SUGT1: variants seen among roughly 807,000 people sequenced by gnomAD.
SUGT1 encodes the protein protein SGT1 homolog.
In SUGT1, 15 loss-of-function variants were observed where a neutral mutation model predicts 56.1. The observed-to-expected ratio is 0.27, with a 90% CI of 0.18 to 0.41. The LOEUF (loss-of-function observed/expected upper bound fraction) is 0.41, where lower values mean the gene tolerates loss of function less well. Ranked by LOEUF, SUGT1 falls within the 10% of genes least tolerant of loss-of-function variation. The pLI is 1.00. For synonymous variants in SUGT1, 123 were observed against 128.6 expected, an observed-to-expected ratio of 0.96 and a Z score of 0.30; for missense variants, 347 against 382.2, an observed-to-expected ratio of 0.91 and a Z score of 0.77.
At chr13:52,672,750 T>TA (rs1962993634) in intron 10 of SUGT1, among the ~76,000 whole-genome samples, 1 of 152,218 alleles carries the variant, frequency 6.6e-6, no homozygotes, top group East Asian at 1.9e-4. Context: ...GGTGGGATCT[T>TA]ACTTACCACT....
At chr13:52,663,493 G>A (rs1333058490) in intron 7 of SUGT1, among the ~76,000 whole-genome samples, 2 of 152,122 alleles carry the variant, frequency 1.3e-5, no homozygotes, top group African/African-American at 4.8e-5. Context: ...GAAATTGACA[G>A]GGTCTTGCTC....
chr13:52,659,959 G>C (rs1360565042), intron 5 of SUGT1, among the ~76,000 whole-genome samples: 3 of 150,100 alleles, frequency 2.0e-5, no homozygotes, highest in Non-Finnish European at 4.4e-5. Context: ...CCCCCGAGTA[G>C]CTGGGACTAC....
chr13:52,657,379 C>T lies in SUGT1; in HGVS notation c.97-153C>T, dbSNP rs1962219199. Among the ~76,000 whole-genome samples the T allele has an allele frequency of 2.6e-5, 4 of 152,152 alleles. No homozygotes were observed. The South Asian group carries it at 8.3e-4, about 32-fold the overall frequency. On this transcript the variant is annotated intron_variant, in intron 2 of 12. Transcript: ENST00000310528. ...AAGAGAAGTGGGGGAGATATTGATC[C>T]TTTTATAAGGAAAAACTCCAATATT... is the stretch of plus-strand genomic sequence containing the variant.
At chr13:52,682,624 T>A (rs951755248) in intron 12 of SUGT1, among the ~76,000 whole-genome samples, 2 of 152,364 alleles carry the variant, frequency 1.3e-5, no homozygotes, top group Non-Finnish European at 2.9e-5. Context: ...TCTTTTCTCA[T>A]TGAATTGCTT....
intron 11 of SUGT1, 114 bp downstream of exon 11, chr13:52,676,434 A>G (rs1371924202): frequency 2.4e-6 from 2 of 847,470 alleles, no homozygotes; most frequent in African/African-American, 1.7e-5. Context: ...GATAAGATAC[A>G]TTGAGTATAA....
chr13:52,699,367 T>A lies in SUGT1; in HGVS notation c.*11532T>A, dbSNP rs542895501. 1.3e-5 allele frequency: 2 copies of A among 152,278 alleles called. No homozygotes were observed. The highest frequency in any genetic ancestry group is 4.8e-5 in the African/African-American group (2 of 41,554). 9.4% of individuals were successfully genotyped at this position (152,278 alleles called of 1,614,324 possible). On this transcript the variant is annotated 3_prime_UTR_variant, in exon 13 of 13. Coordinates refer to ENST00000310528, the MANE Select transcript of SUGT1 (RefSeq NM_006704.5). The stretch of plus-strand genomic sequence containing the variant: ...ATATTACTAGAACTGAGCAGAGAAA[T>A]ACTCAGAGAGAGCCATGGCATAGTA...
Position 52,664,015 on chromosome 13 carries a change from A to T in SUGT1, c.400-20A>T. The T allele has an allele frequency of 6.2e-7, 1 of 1,612,470 alleles. No individual in the cohort carries two copies. The highest frequency in any genetic ancestry group is 8.5e-7 in the Non-Finnish European group (1 of 1,179,254). ...AAAAATCTTTCTCTTTCAACTTACCAAAATCAATCTGCATCCCAGTGGACT... is the reference window on the plus strand; with the variant it reads ...AAAAATCTTTCTCTTTCAACTTACCTAAATCAATCTGCATCCCAGTGGACT... On this transcript the variant is annotated intron_variant, in intron 7 of 12. Transcript: ENST00000310528.
rs771680797 is a variant in SUGT1 at position 52,666,847 on chromosome 13, T to G, written c.555T>G (p.Asp185Glu). 6.2e-7 allele frequency: 1 copy of G among 1,613,402 alleles called. No homozygotes were observed. The highest frequency in any genetic ancestry group is 2.2e-5 in the East Asian group (1 of 44,710). ...TGGTTAAACTTCCTTCTGGAGAGGA[T>G]TACAATTTGAAACTGGAACTTCTTC... ...SALVKLPSGE[D>E]YNLKLELLHP... is the part of the protein sequence containing the mutation. Residue 185 changes from aspartate (D) to glutamate (E), a missense_variant, in exon 10 of 13, where the codon GAT becomes GAG. Coordinates refer to ENST00000310528, the MANE Select transcript of SUGT1 (RefSeq NM_006704.5).
In SUGT1 at chr13:52,694,291, G is replaced by T. The variant is rs543885174; in HGVS notation, c.*6456G>T. 1.3e-5 allele frequency: 2 copies of T among 152,280 alleles called. No homozygotes were observed. The highest frequency in any genetic ancestry group is 3.9e-4 in the East Asian group (2 of 5,190). The allele number at this position is 152,280 out of a possible 1,614,324, so 9.4% of individuals were successfully genotyped here. A position where few individuals can be genotyped will look rare whatever the true frequency, so the allele number is the denominator to read the frequency against. ...ATCCTAGAGAAGATTTTTTTGTGTT[G>T]TAAGTTCAGTCTTTCAAGATGTGGA... On this transcript the variant is annotated 3_prime_UTR_variant, in exon 13 of 13. Transcript: ENST00000310528.
chr13:52,656,349 C>T (rs150167825), intron 2 of SUGT1, among the ~76,000 whole-genome samples: 2 of 152,286 alleles, frequency 1.3e-5, no homozygotes, highest in African/African-American at 4.8e-5. Flanking sequence ...CCAACTTAAT[C>T]GTATTTCTTT....
chr13:52,658,569 G>A (rs1461944845), intron 4 of SUGT1, 101 bp downstream of exon 4: 7 of 1,085,324 alleles, frequency 6.4e-6, no homozygotes, highest in Non-Finnish European at 7.8e-6. Context: ...GTAAAATTCT[G>A]TATTTATACA....
At chr13:52,683,922 C>T (rs534007559) in intron 12 of SUGT1, among the ~76,000 whole-genome samples, 14 of 152,116 alleles carry the variant, frequency 9.2e-5, no homozygotes, top group Non-Finnish European at 1.3e-4. Flanking sequence ...TTTCTATCGC[C>T]CAGGCTAGAG....
chr13:52,662,384 T>C (rs774511389), intron 5 of SUGT1, among the ~76,000 whole-genome samples: 4 of 152,222 alleles, frequency 2.6e-5, no homozygotes. Context: ...AAATGCAGAT[T>C]ATTTGTATCT....
chr13:52,686,605 G>A (rs1318180129), intron 12 of SUGT1, among the ~76,000 whole-genome samples: 1 of 152,184 alleles, frequency 6.6e-6, no homozygotes, highest in Non-Finnish European at 1.5e-5. Context: ...AAGGGAGCTC[G>A]GTAGAGCGTG....
intron 10 of SUGT1, among the ~76,000 whole-genome samples, chr13:52,672,721 A>T (rs1962992478): frequency 6.6e-6 from 1 of 152,200 alleles, no homozygotes; most frequent in South Asian, 2.1e-4. Flanking sequence ...AGATCCCTTC[A>T]TGTCAGTCTG....
At chr13:52,662,492 G>A (rs372025413) in intron 5 of SUGT1, among the ~76,000 whole-genome samples, 157 bp from the exon 6 acceptor site, 2 of 152,326 alleles carry the variant, frequency 1.3e-5, no homozygotes, top group East Asian at 3.9e-4. Flanking sequence ...TATAACTATA[G>A]TAGAGTTGGT....
intron 5 of SUGT1, 77 bp from the exon 6 acceptor site, chr13:52,662,572 A>G: frequency 3.4e-6 from 5 of 1,465,298 alleles, no homozygotes; most frequent in Admixed American, 1.7e-5. Context: ...CCTGGGATGT[A>G]GTAGGTATTC....
At chr13:52,667,850 T>A (rs1288163440) in intron 10 of SUGT1, among the ~76,000 whole-genome samples, 2 of 152,140 alleles carry the variant, frequency 1.3e-5, no homozygotes, top group Non-Finnish European at 2.9e-5. Context: ...TTTCAGCACC[T>A]TTGAAAGGAG....
rs1040780532 is a variant in SUGT1, at chr13:52,687,899, G to A, written c.*64G>A. The A allele has an allele frequency of 6.7e-6, 7 of 1,050,308 alleles. No homozygotes were observed. Among genetic ancestry groups the A allele is most frequent in the Admixed American group, 6.1e-5 (2 of 32,864 alleles). 65.1% of individuals were successfully genotyped at this position (1,050,308 alleles called of 1,614,324 possible). ...CTAATGCCCATTGTGTATTGATATT[G>A]CATTCTTGAATTTTGAACACTGAAT... On this transcript the variant is annotated 3_prime_UTR_variant, in exon 13 of 13. Coordinates refer to ENST00000310528, the MANE Select transcript of SUGT1 (RefSeq NM_006704.5).
Sources: gnomAD v4.1 joint callset for allele counts (sites outside exome capture counted in the v4.1 genomes callset) on GRCh38, gnomAD v4.1.1 for gene constraint, MANE v1.5 for transcripts, NCBI Gene and HGNC (gene_info 2026-07-23, HGNC 2026-07-21) for gene names.